CERT1: variants seen among roughly 807,000 people sequenced by gnomAD.
The protein encoded by CERT1 is ceramide transfer protein.
Under a neutral mutation model 87.9 loss-of-function variants are expected in CERT1, and 31 were observed. The observed-to-expected ratio is 0.35, with a 90% CI of 0.27 to 0.48. The LOEUF (loss-of-function observed/expected upper bound fraction) is 0.48. Ranked by LOEUF, CERT1 falls within the 20% of genes least tolerant of loss-of-function variation. The pLI is 0.99. For synonymous variants in CERT1, 289 were observed against 250.9 expected (o/e 1.15, Z -1.44); for missense variants, 487 against 758.0 (o/e 0.64, Z 4.20).
chr5:75,510,943 A>T (rs1196022416), intron 1 of CERT1, among the ~76,000 whole-genome samples, 169 bp downstream of exon 1: 4 of 152,034 alleles, frequency 2.6e-5, no homozygotes, highest in African/African-American at 9.7e-5. Context: ...CCCGGGCAAC[A>T]AGGACAGTGC....
chr5:75,381,974 A>T lies in CERT1; in HGVS notation c.1592T>A (p.Phe531Tyr). 1 of 1,613,734 alleles carries T rather than the reference A, an allele frequency of 6.2e-7. No homozygotes were observed. Among genetic ancestry groups the T allele is most frequent in the Non-Finnish European group, 8.5e-7 (1 of 1,179,896 alleles). Reference sequence around the variant, plus strand: ...AGGAGCACTGTCATGATCCACAGAAAAATTACAAACTATCCAAGTTTCAGG... The same window carrying T: ...AGGAGCACTGTCATGATCCACAGAATAATTACAAACTATCCAAGTTTCAGG... The part of the protein sequence containing the change: ...NDPETWIVCN[F>Y]SVDHDSAPLN... Residue 531 changes from phenylalanine (F) to tyrosine (Y), a missense_variant, in exon 15 of 17, where the codon TTT (phenylalanine) becomes TAT (tyrosine). By Grantham distance (22) the Phe-to-Tyr change is conservative (BLOSUM62 3). This residue lies in a region of CERT1 where 147 missense variants were observed against 200.8 expected (regional missense o/e 0.73). Coordinates refer to ENST00000643780, the MANE Select transcript of CERT1 (RefSeq NM_001379029.1).
intron 3 of CERT1, among the ~76,000 whole-genome samples, chr5:75,428,451 G>A (rs1763717420): frequency 6.6e-6 from 1 of 152,182 alleles, no homozygotes; most frequent in Admixed American, 6.5e-5. Flanking sequence ...GGCCAAGGCG[G>A]GCGGATCATG....
rs546749549 is a variant in CERT1 at position 75,377,944 on chromosome 5, C to A, written c.*1402G>T. The A allele has an allele frequency of 4.9e-4, 74 of 152,274 alleles. No individual in the cohort carries two copies. The highest frequency in any genetic ancestry group is 1.7e-3 in the African/African-American group (71 of 41,550). The allele number at this position is 152,274 out of a possible 1,614,324, so 9.4% of individuals were successfully genotyped here. A position where few individuals can be genotyped will look rare whatever the true frequency, so the allele number is the denominator to read the frequency against. ...CTAGGACTATACATGTATACCACCA[C>A]GCCTAATTGTTTTTTGTCAAGATGG... On this transcript the variant is annotated 3_prime_UTR_variant, in exon 17 of 17. Coordinates refer to ENST00000643780, the MANE Select transcript of CERT1 (RefSeq NM_001379029.1).
chr5:75,414,555 C>CTA lies in CERT1; in HGVS notation c.837+2320_837+2321insTA, dbSNP rs139814246. Among the ~76,000 whole-genome samples, 1,031 of 152,226 alleles carry CTA rather than the reference C, an allele frequency of 6.8e-3. 31 individuals carry two copies. The highest frequency in any genetic ancestry group is 0.054 in the East Asian group (280 of 5,180). On this transcript the variant is annotated intron_variant, in intron 7 of 16. Coordinates refer to ENST00000643780, the MANE Select transcript of CERT1 (RefSeq NM_001379029.1). ...ATGAACAGGTTATCTCTTATTAACA[C>CTA]TGTTAACCATAATTGCCTAATTTTA...
chr5:75,374,661 C>T (rs1301069726), downstream of CERT1: 13 of 635,282 alleles, frequency 2.0e-5, no homozygotes. Context: ...GCTTCCCAAG[C>T]TGTTATGTGA....
chr5:75,415,410 C>T (rs1233814533), intron 7 of CERT1, among the ~76,000 whole-genome samples: 7 of 152,040 alleles, frequency 4.6e-5, no homozygotes, highest in East Asian at 1.9e-4. Context: ...GTTTTTTTCC[C>T]GCAGATCTTT....
chr5:75,382,441 A>G (rs1261366418), intron 14 of CERT1, among the ~76,000 whole-genome samples: 2 of 152,142 alleles, frequency 1.3e-5, no homozygotes, highest in African/African-American at 4.8e-5. Flanking sequence ...CCAGTAAGCA[A>G]CAACTTTCCA....
At chr5:75,440,768 T>A (rs1011958808) in intron 3 of CERT1, among the ~76,000 whole-genome samples, 1 of 103,342 alleles carries the variant, frequency 9.7e-6, no homozygotes, top group Non-Finnish European at 1.7e-5. Context: ...CTTATGACCA[T>A]CCAAAGTAAA....
chr5:75,387,686 A>C (rs1004005420), intron 12 of CERT1, among the ~76,000 whole-genome samples: 1 of 151,638 alleles, frequency 6.6e-6, no homozygotes, highest in African/African-American at 2.4e-5. Flanking sequence ...AGGCTGCGAT[A>C]AGCCAAGATC....
intron 3 of CERT1, among the ~76,000 whole-genome samples, chr5:75,432,904 T>C (rs1230466447): frequency 2.8e-5 from 4 of 145,326 alleles, no homozygotes; most frequent in African/African-American, 9.8e-5. Context: ...CCAGTTTCAA[T>C]CTTCTGCATA....
chr5:75,511,526 G>C lies in CERT1; in HGVS notation c.-319C>G. 2 of 1,467,944 alleles carry C rather than the reference G, an allele frequency of 1.4e-6. No individual in the cohort carries two copies. Among genetic ancestry groups the C allele is most frequent in the Admixed American group, 2.5e-5 (1 of 40,316 alleles). 90.9% of individuals were successfully genotyped at this position (1,467,944 alleles called of 1,614,324 possible). On this transcript the variant is annotated 5_prime_UTR_variant, in exon 1 of 17. Coordinates refer to ENST00000643780, the MANE Select transcript of CERT1 (RefSeq NM_001379029.1). ...GCCCCCTCGATGCCAATTTCAAATA[G>C]GGAAGGAAAAGGGAAAAGAAGGGAA...
At chr5:75,401,125 C>T (rs1180651789) in intron 9 of CERT1, 18 of 152,186 alleles carry the variant, frequency 1.2e-4, no homozygotes, top group African/African-American at 4.3e-4. Context: ...AGTATTACCA[C>T]ACTGTATCTC....
chr5:75,511,334 GAGCA>G lies in CERT1; in HGVS notation c.-131_-128del. 1.9e-6 allele frequency: 3 copies of G among 1,546,024 alleles called. No individual in the cohort carries two copies. The highest frequency in any genetic ancestry group is 1.7e-6 in the Non-Finnish European group (2 of 1,146,166). On this transcript the variant is annotated 5_prime_UTR_variant, in exon 1 of 17. Coordinates refer to ENST00000643780, the MANE Select transcript of CERT1 (RefSeq NM_001379029.1). ...AGAGTGCCCGCTCCGGTGTGGGGGG[GAGCA>G]GGAGGAGGGACGAAGTCCGCCCGCC...
intron 3 of CERT1, among the ~76,000 whole-genome samples, chr5:75,429,555 G>T (rs1232013767): frequency 6.6e-6 from 1 of 152,096 alleles, no homozygotes; most frequent in African/African-American, 2.4e-5. Flanking sequence ...GTGGTGGCTT[G>T]TGCCTCTAGT....
chr5:75,460,084 A>C (rs894712695), intron 2 of CERT1, among the ~76,000 whole-genome samples: 1 of 151,664 alleles, frequency 6.6e-6, no homozygotes, highest in African/African-American at 2.4e-5. Flanking sequence ...GGTTACAGGC[A>C]CAAGCTATTG....
intron 8 of CERT1, among the ~76,000 whole-genome samples, chr5:75,405,006 ACTCAGT>A (rs1304565308): frequency 1.3e-5 from 2 of 151,660 alleles, no homozygotes; most frequent in East Asian, 1.9e-4. Flanking sequence ...GTAGAGCAAG[ACTCAGT>A]CTCAAACAAC....
intron 2 of CERT1, among the ~76,000 whole-genome samples, chr5:75,502,249 C>A (rs967220509): frequency 6.6e-6 from 1 of 152,044 alleles, no homozygotes; most frequent in South Asian, 2.1e-4. Flanking sequence ...AATAAGATAC[C>A]ATTTTAATGT....
intron 5 of CERT1, among the ~76,000 whole-genome samples, chr5:75,423,984 G>A (rs1763495968): frequency 6.6e-6 from 1 of 152,156 alleles, no homozygotes; most frequent in Admixed American, 6.5e-5. Flanking sequence ...ACCATGTCAA[G>A]CCACCTAGTT....
At chr5:75,412,014 C>T (rs1053609625) in intron 7 of CERT1, among the ~76,000 whole-genome samples, 2 of 152,156 alleles carry the variant, frequency 1.3e-5, no homozygotes, top group African/African-American at 4.8e-5. Flanking sequence ...GGTTAAAAGA[C>T]CCAGGGTCAA....
Sources: allele counts gnomAD v4.1 joint callset (sites outside exome capture counted in the v4.1 genomes callset), GRCh38; gene constraint gnomAD v4.1.1; regional missense constraint gnomAD v4.1.1; transcripts MANE v1.5; gene names NCBI Gene and HGNC (gene_info 2026-07-23, HGNC 2026-07-21).